The following PDCD6 variants were observed in gnomAD, a reference collection of about 807,000 sequenced individuals.
PDCD6 encodes the protein programmed cell death 6, also known as programmed cell death protein 6.
In PDCD6, 12 loss-of-function variants were observed where a neutral mutation model predicts 28.3. The ratio of observed to expected loss-of-function variants is 0.42; its 90% CI spans 0.27 to 0.69. The LOEUF is 0.69. PDCD6 is among the 30% of genes least tolerant of loss of function. The pLI, the probability that PDCD6 is intolerant of heterozygous loss-of-function variation, is 0.22. For synonymous variants in PDCD6, 92 were observed against 108.0 expected (o/e 0.85, Z 0.92); for missense variants, 226 against 269.9 (o/e 0.84, Z 1.14).
At position 306,671 on chromosome 5, in the gene PDCD6, C is replaced by T. The variant is rs372244838; in HGVS notation, c.278C>T (p.Thr93Met). The change falls in exon 4 of 6, where the codon ACG becomes ATG. Residue 93 changes from threonine (T) to methionine (M), a missense_variant. By Grantham distance (81) the Thr-to-Met change is moderately conservative. Coordinates refer to ENST00000264933, the MANE Select transcript of PDCD6 (RefSeq NM_013232.4). ...TTCACGGGTGTGTGGAAGTACATCA[C>T]GGACTGGCAGAACGTCTTCCGCACG... ...SEFTGVWKYI[T>M]DWQNVFRTYD... 1.7e-5 allele frequency: 28 copies of T among 1,613,876 alleles called. No homozygotes were observed. The highest frequency in any genetic ancestry group is 2.7e-5 in the African/African-American group (2 of 74,910).
Position 305,825 on chromosome 5 carries a change from A to T in PDCD6, c.209-777A>T, listed in dbSNP as rs1025673159. 1 of 152,216 alleles carries T rather than the reference A, an allele frequency of 6.6e-6. No individual in the cohort carries two copies. Among genetic ancestry groups the T allele is most frequent in the Non-Finnish European group, 1.5e-5 (1 of 68,044 alleles). The allele number at this position is 152,216 out of a possible 1,614,324, so 9.4% of individuals were successfully genotyped here. On this transcript the variant is annotated intron_variant, in intron 3 of 5. Transcript: ENST00000264933. The surrounding 1 kb of genome is among the most constrained non-coding windows in gnomAD (Gnocchi z 4.0). ...TGTGGACTGTTGGGAAGAAACATCG[A>T]TGCTGTTTCTCACATGATTTTTCAT...
intron 2 of PDCD6, among the ~76,000 whole-genome samples, chr5:292,094 G>C (rs976125335): frequency 1.4e-4 from 21 of 152,086 alleles, no homozygotes; most frequent in African/African-American, 4.8e-4. Flanking sequence ...TGGGATTTTT[G>C]CCCATCTGGT....
At chr5:280,559 G>A (rs1305176585) in intron 2 of PDCD6, among the ~76,000 whole-genome samples, 82 of 103,596 alleles carry the variant, frequency 7.9e-4, no homozygotes, top group Middle Eastern at 0.023. Context: ...GAGACCATAA[G>A]CCAGGGCAGA....
intron 2 of PDCD6, among the ~76,000 whole-genome samples, chr5:294,012 G>A (rs2126727293): frequency 6.9e-6 from 1 of 144,606 alleles, no homozygotes; most frequent in East Asian, 1.9e-4. Context: ...TACTGTCAGA[G>A]ACGGAGAAAG....
At chr5:295,299 G>A (rs892753560) in intron 2 of PDCD6, among the ~76,000 whole-genome samples, 2 of 152,170 alleles carry the variant, frequency 1.3e-5, no homozygotes, top group Non-Finnish European at 2.9e-5. Flanking sequence ...GAAACCACAG[G>A]CTTGGCAATC....
Position 311,687 on chromosome 5 carries a change from TTTTTG to T in PDCD6, c.477+306_477+310del, listed in dbSNP as rs982531683. 131 of 386,324 alleles carry T rather than the reference TTTTTG, an allele frequency of 3.4e-4. 1 individual carries two copies. The highest frequency in any genetic ancestry group is 1.5e-3 in the South Asian group (51 of 34,418). The allele number at this position is 386,324 out of a possible 1,614,324, so 23.9% of individuals were successfully genotyped here. On this transcript the variant is annotated intron_variant, in intron 5 of 5. Transcript: ENST00000264933. ...GTTCTGGTGTTGTGGTTTTTTTTGTTTTTTGTTTTGTTTTGTTTTGTTTTGAGACC... is the reference window on the plus strand; with the variant it reads ...GTTCTGGTGTTGTGGTTTTTTTTGTTTTTTGTTTTGTTTTGTTTTGAGACC...
chr5:284,181 G>A (rs1386074864), intron 2 of PDCD6, among the ~76,000 whole-genome samples: 4 of 151,608 alleles, frequency 2.6e-5, no homozygotes, highest in Admixed American at 6.6e-5. Flanking sequence ...AGCTGATGTA[G>A]TTTGAAGGTC....
At chr5:279,366 T>C (rs1395143155) in intron 2 of PDCD6, among the ~76,000 whole-genome samples, 1 of 152,070 alleles carries the variant, frequency 6.6e-6, no homozygotes, top group African/African-American at 2.4e-5. Context: ...GCCTGCCCTC[T>C]TAGGCTCTTG....
At chr5:299,575 A>T (rs1579526004) in intron 2 of PDCD6, among the ~76,000 whole-genome samples, 1 of 150,986 alleles carries the variant, frequency 6.6e-6, no homozygotes, top group East Asian at 2.0e-4. Flanking sequence ...TTTAAGACAG[A>T]GTCTCACTTT....
chr5:299,772 A>G (rs1292674512), intron 2 of PDCD6, among the ~76,000 whole-genome samples: 1 of 151,992 alleles, frequency 6.6e-6, no homozygotes, highest in Non-Finnish European at 1.5e-5. Flanking sequence ...GATGGTCTCG[A>G]TCTCCTCACC....
At chr5:276,904 C>T in intron 2 of PDCD6, 1 of 984,828 alleles carries the variant, frequency 1.0e-6, no homozygotes, top group Non-Finnish European at 1.2e-6. Flanking sequence ...GAAGACTGTT[C>T]TCTGCCCTTC....
chr5:296,308 A>G (rs1383429513), intron 2 of PDCD6, among the ~76,000 whole-genome samples: 2 of 150,752 alleles, frequency 1.3e-5, no homozygotes, highest in Non-Finnish European at 3.0e-5. Context: ...GCCTGGCCCC[A>G]CACCCACACC....
chr5:284,687 A>T (rs6888541), intron 2 of PDCD6, among the ~76,000 whole-genome samples: 2 of 126,180 alleles, frequency 1.6e-5, no homozygotes, highest in African/African-American at 8.9e-5. Flanking sequence ...TTTGAGGTCC[A>T]TGCAGCTGGA....
chr5:305,260 C>T lies in PDCD6; in HGVS notation c.208+1039C>T, dbSNP rs1323162559. 6.6e-6 allele frequency: 1 copy of T among 152,246 alleles called. No individual in the cohort carries two copies. Among genetic ancestry groups the T allele is most frequent in the Non-Finnish European group, 1.5e-5 (1 of 68,096 alleles). 9.4% of individuals were successfully genotyped at this position (152,246 alleles called of 1,614,324 possible). ...TCACAGGGACCATGGCATTGTGTCT[C>T]GAGGTTTCCCAGAGCGGCCTGGGGC... On this transcript the variant is annotated intron_variant, in intron 3 of 5. Transcript: ENST00000264933. This position sits in a 1 kb window ranked among gnomAD's most constrained non-coding sequence, Gnocchi z 4.0.
chr5:274,365 A>T (rs1208877392), intron 2 of PDCD6, among the ~76,000 whole-genome samples: 2 of 152,198 alleles, frequency 1.3e-5, no homozygotes, highest in Non-Finnish European at 2.9e-5. Flanking sequence ...CAAATACTGG[A>T]CCGCATTAGT....
intron 2 of PDCD6, among the ~76,000 whole-genome samples, chr5:273,639 C>A (rs1030796640): frequency 6.6e-6 from 1 of 152,166 alleles, no homozygotes; most frequent in Non-Finnish European, 1.5e-5. Context: ...AGAGACTGAA[C>A]TGGGGCGCGG....
At chr5:298,658 T>TCAGCTGCTCCCCCC (rs1739773166) in intron 2 of PDCD6, among the ~76,000 whole-genome samples, 5 of 23,414 alleles carry the variant, frequency 2.1e-4, no homozygotes, top group African/African-American at 3.4e-4. Flanking sequence ...CTGCTCCCAC[T>TCAGCTGCTCCCCCC]CAGCTGCTCC....
intron 1 of PDCD6, among the ~76,000 whole-genome samples, chr5:272,070 C>G (rs1270640286): frequency 3.3e-5 from 5 of 150,956 alleles, no homozygotes; most frequent in Non-Finnish European, 5.9e-5. Flanking sequence ...TCTCCTGGGG[C>G]CGCCCCTGCC....
chr5:273,341 G>T (rs1273672137), intron 2 of PDCD6: 1 of 153,288 alleles, frequency 6.5e-6, no homozygotes, highest in East Asian at 1.9e-4. Flanking sequence ...CGTTCAGGCA[G>T]CGGGAAATCC....
Sources: allele counts gnomAD v4.1 joint callset (sites outside exome capture counted in the v4.1 genomes callset), GRCh38; gene constraint gnomAD v4.1.1; non-coding constraint Gnocchi (gnomAD v3.1); transcripts MANE v1.5; gene names NCBI Gene and HGNC (gene_info 2026-07-23, HGNC 2026-07-21).